The following CAPZA2 variants were observed in gnomAD, a reference collection of about 807,000 sequenced individuals.
CAPZA2 encodes capping actin protein of muscle Z-line subunit alpha 2.
Under a neutral mutation model 44.0 loss-of-function variants are expected in CAPZA2, and 13 were observed. The ratio of observed to expected loss-of-function variants is 0.30; its 90% confidence interval spans 0.19 to 0.47. CAPZA2 has a LOEUF of 0.47. Ranked by LOEUF, CAPZA2 falls within the 20% of genes least tolerant of loss-of-function variation. The pLI, the probability that CAPZA2 is intolerant of heterozygous loss-of-function variation, is 1.00. For synonymous variants in CAPZA2, 94 were observed against 108.2 expected, an observed-to-expected ratio of 0.87 and a Z score of 0.81; for missense variants, 244 against 338.6, an observed-to-expected ratio of 0.72 and a Z score of 2.19.
At position 116,895,731 on chromosome 7, in the gene CAPZA2, A is replaced by T. The variant is rs574796530; in HGVS notation, c.155+2686A>T. On this transcript the variant is annotated intron_variant, in intron 3 of 9. Transcript: ENST00000361183. ...AGTATGCAATTTCTCAAAACTCTCC[A>T]TTTGAGTTCATGTTGTAGACATCTC... Among the ~76,000 whole-genome samples, 10 of 152,072 alleles carry T rather than the reference A, an allele frequency of 6.6e-5. No homozygotes were observed. In the South Asian group the frequency reaches 2.1e-3, roughly 31 times the overall value.
chr7:116,905,821 G>A (rs776771025), intron 5 of CAPZA2, among the ~76,000 whole-genome samples: 18 of 152,276 alleles, frequency 1.2e-4, no homozygotes, highest in Non-Finnish European at 2.2e-4. Context: ...TCACTTATAA[G>A]TAAGTTAATT....
intron 4 of CAPZA2, among the ~76,000 whole-genome samples, chr7:116,903,295 G>C (rs1797020013): frequency 6.8e-6 from 1 of 148,074 alleles, no homozygotes; most frequent in African/African-American, 2.5e-5. Flanking sequence ...CATTTTCATT[G>C]CATTCTTATA....
chr7:116,881,173 G>T (rs1009019028), intron 1 of CAPZA2, among the ~76,000 whole-genome samples: 1 of 152,046 alleles, frequency 6.6e-6, no homozygotes. Flanking sequence ...GGGCTTTCTT[G>T]AGGAAGTCAC....
At position 116,902,989 on chromosome 7, in the gene CAPZA2, A is replaced by G. The variant is rs111790145; in HGVS notation, c.220-1188A>G. Among the ~76,000 whole-genome samples the G allele has an allele frequency of 1.9e-3, 283 of 152,310 alleles. 1 individual carries two copies. The highest frequency in any genetic ancestry group is 3.4e-3 in the Non-Finnish European group (228 of 68,032). ...TGGCCTCCCAAAGCACTAGGATTACAGGCATGAGCTACCACACCCAGTCTT... is the reference window on the plus strand; with the variant it reads ...TGGCCTCCCAAAGCACTAGGATTACGGGCATGAGCTACCACACCCAGTCTT... On this transcript the variant is annotated intron_variant, in intron 4 of 9. Transcript: ENST00000361183.
intron 1 of CAPZA2, among the ~76,000 whole-genome samples, chr7:116,879,663 A>G (rs941937376): frequency 1.3e-5 from 2 of 152,078 alleles, no homozygotes; most frequent in African/African-American, 4.8e-5. Flanking sequence ...GCAGGTGGTA[A>G]TGCTTGCTTG....
intron 1 of CAPZA2, among the ~76,000 whole-genome samples, chr7:116,864,329 TA>T (rs1306025000): frequency 2.0e-5 from 3 of 152,172 alleles, no homozygotes; most frequent in Non-Finnish European, 4.4e-5. Flanking sequence ...AAAAGTTTTT[TA>T]AAAATGAGAT....
rs1791714032 is a variant in CAPZA2 at position 116,918,421 on chromosome 7, A to G, written c.*554A>G. 1 of 152,780 alleles carries G rather than the reference A, an allele frequency of 6.5e-6. No homozygotes were observed. The highest frequency in any genetic ancestry group is 1.9e-4 in the East Asian group (1 of 5,208). 9.5% of individuals were successfully genotyped at this position (152,780 alleles called of 1,614,324 possible). ...TTTAAACCTTTCAAGAAGGTTATTTAGCTAGCTTAGTGTTGAACTAAATTT... is the reference window on the plus strand; with the variant it reads ...TTTAAACCTTTCAAGAAGGTTATTTGGCTAGCTTAGTGTTGAACTAAATTT... On this transcript the variant is annotated 3_prime_UTR_variant, in exon 10 of 10. Transcript: ENST00000361183.
rs543535196 is a variant in CAPZA2, at chr7:116,886,998, G to T, written c.40-1129G>T. Among the ~76,000 whole-genome samples, 5 of 152,256 alleles carry T rather than the reference G, an allele frequency of 3.3e-5. No individual in the cohort carries two copies. In the East Asian group the frequency reaches 9.7e-4, roughly 29 times the overall value. ...CCTGTTGATGTTCAATCTCCTACTTGTCTTTGAACTAAGATTTCCTAAGAT... is the reference window on the plus strand; with the variant it reads ...CCTGTTGATGTTCAATCTCCTACTTTTCTTTGAACTAAGATTTCCTAAGAT... On this transcript the variant is annotated intron_variant, in intron 1 of 9. Coordinates refer to ENST00000361183, the MANE Select transcript of CAPZA2 (RefSeq NM_006136.3).
intron 1 of CAPZA2, chr7:116,874,448 G>C (rs1294554212): frequency 6.6e-6 from 1 of 152,242 alleles, no homozygotes; most frequent in Non-Finnish European, 1.5e-5. Flanking sequence ...GATCATACTA[G>C]AAAGAATGTG....
At chr7:116,864,892 T>C (rs1383730850) in intron 1 of CAPZA2, among the ~76,000 whole-genome samples, 1 of 152,138 alleles carries the variant, frequency 6.6e-6, no homozygotes, top group Non-Finnish European at 1.5e-5. Context: ...ATATTAAGTT[T>C]TGAATACTTT....
intron 1 of CAPZA2, among the ~76,000 whole-genome samples, chr7:116,865,593 C>T (rs1250828441): frequency 6.6e-6 from 1 of 151,376 alleles, no homozygotes; most frequent in Non-Finnish European, 1.5e-5. Context: ...GTTGATTCTT[C>T]CTTAGACAGG....
chr7:116,906,471 T>G (rs920037353), intron 6 of CAPZA2, 129 bp downstream of exon 6: 1 of 1,410,984 alleles, frequency 7.1e-7, no homozygotes. Context: ...TATAAAATTT[T>G]AGCCTTTTGA....
intron 8 of CAPZA2, among the ~76,000 whole-genome samples, chr7:116,914,470 C>T (rs1374067489): frequency 6.8e-6 from 1 of 147,432 alleles, no homozygotes; most frequent in Non-Finnish European, 1.5e-5. Context: ...CACACACACA[C>T]GTATTTTTTT....
intron 1 of CAPZA2, among the ~76,000 whole-genome samples, chr7:116,882,230 C>T (rs1309748153): frequency 6.6e-6 from 1 of 152,192 alleles, no homozygotes. Context: ...TGCCCACCAA[C>T]TTTAGCCTCC....
intron 1 of CAPZA2, among the ~76,000 whole-genome samples, chr7:116,868,648 C>T (rs1381477687): frequency 4.6e-5 from 7 of 152,140 alleles, no homozygotes; most frequent in Non-Finnish European, 8.8e-5. Context: ...GCAGGAGAAT[C>T]GCTTGGACCC....
At chr7:116,912,321 C>T (rs905781039) in intron 8 of CAPZA2, among the ~76,000 whole-genome samples, 181 bp downstream of exon 8, 3 of 152,030 alleles carry the variant, frequency 2.0e-5, no homozygotes, top group Non-Finnish European at 4.4e-5. Context: ...AATTTGTATA[C>T]CATTCAGTTC....
chr7:116,879,713 C>G (rs1242330073), intron 1 of CAPZA2, among the ~76,000 whole-genome samples: 2 of 152,154 alleles, frequency 1.3e-5, no homozygotes, highest in African/African-American at 4.8e-5. Context: ...GGGTTCCTAA[C>G]AGGCCCCAGA....
rs1791476274 is a variant in CAPZA2, at chr7:116,905,144, A to T, written c.426+761A>T. 2.0e-5 allele frequency among the ~76,000 whole-genome samples: 3 copies of T among 151,614 alleles called. No individual in the cohort carries two copies. The South Asian group carries it at 6.2e-4, about 32-fold the overall frequency. Reference sequence around the variant, plus strand: ...ACAGAGTGAGACTCTGTCTCAAAAAAAAAAAAAAGAAAAGAAAAAAAAGAA... The same window carrying T: ...ACAGAGTGAGACTCTGTCTCAAAAATAAAAAAAAGAAAAGAAAAAAAAGAA... On this transcript the variant is annotated intron_variant, in intron 5 of 9. Transcript: ENST00000361183.
At chr7:116,885,782 A>G (rs1585006067) in intron 1 of CAPZA2, among the ~76,000 whole-genome samples, 1 of 152,184 alleles carries the variant, frequency 6.6e-6, no homozygotes, top group African/African-American at 2.4e-5. Context: ...CCCCAGGCAC[A>G]CTACCCTTCA....
Sources: allele counts gnomAD v4.1 joint callset (sites outside exome capture counted in the v4.1 genomes callset), GRCh38; gene constraint gnomAD v4.1.1; transcripts MANE v1.5; gene names NCBI Gene and HGNC (gene_info 2026-07-23, HGNC 2026-07-21).